The following MDH1B variants were observed in gnomAD, a reference collection of about 807,000 sequenced individuals.
The protein encoded by MDH1B is putative malate dehydrogenase 1B.
Under a neutral mutation model 61.4 loss-of-function variants are expected in MDH1B, and 60 were observed. That is an observed-to-expected ratio of 0.98 (90% CI 0.79 to 1.21). MDH1B has a LOEUF of 1.21. MDH1B is among the 50% of genes most tolerant of loss of function. The pLI, the probability that MDH1B is intolerant of heterozygous loss-of-function variation, is 0.00. For synonymous variants in MDH1B, 236 were observed against 218.7 expected, an observed-to-expected ratio of 1.08 and a Z score of -0.70; for missense variants, 587 against 632.1, an observed-to-expected ratio of 0.93 and a Z score of 0.76.
At chr2:206,754,937 T>C (rs1688666792) in intron 5 of MDH1B, 72 bp downstream of exon 5, 1 of 1,499,286 alleles carries the variant, frequency 6.7e-7, no homozygotes, top group South Asian at 1.3e-5. Context: ...GAGGGGACAG[T>C]GTTCTTCCTA....
At chr2:206,761,512 A>G (rs1057435936) in intron 1 of MDH1B, among the ~76,000 whole-genome samples, 4 of 152,170 alleles carry the variant, frequency 2.6e-5, no homozygotes, top group Non-Finnish European at 4.4e-5. Context: ...CCTTAACTAG[A>G]GAAAAATCAT....
At chr2:206,745,730 CTTTTT>C (rs140066038) in intron 8 of MDH1B, 57 bp from the exon 9 acceptor site, 18,013 of 742,954 alleles carry the variant, frequency 0.024, 1 homozygote, top group East Asian at 0.086. Flanking sequence ...CTTAATTCTT[CTTTTT>C]TTTTTTTTTT....
At chr2:206,762,829 C>G (rs1689179243) in intron 1 of MDH1B, among the ~76,000 whole-genome samples, 1 of 152,176 alleles carries the variant, frequency 6.6e-6, no homozygotes, top group South Asian at 2.1e-4. Context: ...CTGCCCCCTT[C>G]CAGGCTTTTG....
intron 5 of MDH1B, among the ~76,000 whole-genome samples, chr2:206,754,404 C>G (rs929098255): frequency 1.3e-5 from 2 of 152,158 alleles, no homozygotes; most frequent in Non-Finnish European, 2.9e-5. Context: ...TCCTATGATT[C>G]TGATATTTAC....
intron 4 of MDH1B, among the ~76,000 whole-genome samples, chr2:206,756,122 T>C (rs1341410734): frequency 6.6e-6 from 1 of 152,082 alleles, no homozygotes; most frequent in African/African-American, 2.4e-5. Flanking sequence ...GTATTCACAG[T>C]GGGTTTGGGG....
At position 206,745,607 on chromosome 2, in the gene MDH1B, C is replaced by T. The variant is rs754632015; in HGVS notation, c.1408+15G>A. On this transcript the variant is annotated intron_variant, in intron 9 of 11. Coordinates refer to ENST00000374412, the MANE Select transcript of MDH1B (RefSeq NM_001039845.3). ...TTAATAGCAGTCCAATAAAACATCA[C>T]GTCTAAGAGCTTACCTGATTGGTAT... is the stretch of plus-strand genomic sequence containing the variant. 14 of 1,595,250 alleles carry T rather than the reference C, an allele frequency of 8.8e-6. No homozygotes were observed. Among genetic ancestry groups the T allele is most frequent in the East Asian group, 2.2e-5 (1 of 44,774 alleles).
In MDH1B at chr2:206,738,366, A is replaced by G; in HGVS notation, c.*117T>C. 1.3e-6 allele frequency: 1 copy of G among 772,962 alleles called. No individual in the cohort carries two copies. Among genetic ancestry groups the G allele is most frequent in the Non-Finnish European group, 2.0e-6 (1 of 498,754 alleles). 47.9% of individuals were successfully genotyped at this position (772,962 alleles called of 1,614,324 possible). A position where few individuals can be genotyped will look rare whatever the true frequency, so the allele number is the denominator to read the frequency against. On this transcript the variant is annotated 3_prime_UTR_variant, in exon 12 of 12. Coordinates refer to ENST00000374412, the MANE Select transcript of MDH1B (RefSeq NM_001039845.3). ...TGATTTAATTGCCTTGCATGGTATT[A>G]TCTAAGACTGACATAAATCTTTCAA...
At chr2:206,743,873 C>A (rs1268195760) in intron 9 of MDH1B, among the ~76,000 whole-genome samples, 1 of 152,172 alleles carries the variant, frequency 6.6e-6, no homozygotes, top group Non-Finnish European at 1.5e-5. Flanking sequence ...ATCAGCAATT[C>A]TTGATATTTC....
chr2:206,755,310 C>G lies in MDH1B; in HGVS notation c.609G>C (p.Glu203Asp), dbSNP rs142067723. ...CAATGACGTGGGCCTGGCGGAAGGCCTCCTCCACCTTCGTGCAGATGGAGA... is the reference window on the plus strand; with the variant it reads ...CAATGACGTGGGCCTGGCGGAAGGCGTCCTCCACCTTCGTGCAGATGGAGA... ...RSVSICTKVE[E>D]AFRQAHVIVV... Residue 203 changes from glutamate (E) to aspartate (D), a missense_variant, in exon 5 of 12, where the codon GAG becomes GAC. Transcript: ENST00000374412. 1.2e-6 allele frequency: 2 copies of G among 1,614,100 alleles called. No homozygotes were observed. The highest frequency in any genetic ancestry group is 2.7e-5 in the African/African-American group (2 of 74,938).
chr2:206,747,200 C>T (rs529256963), intron 7 of MDH1B, among the ~76,000 whole-genome samples: 1 of 152,176 alleles, frequency 6.6e-6, no homozygotes, highest in South Asian at 2.1e-4. Context: ...ACATTGAGGA[C>T]ATTCGAGAAA....
At position 206,755,378 on chromosome 2, in the gene MDH1B, C is replaced by T; in HGVS notation, c.541G>A (p.Val181Met). The T allele has an allele frequency of 1.2e-6, 2 of 1,614,208 alleles. No individual in the cohort carries two copies. The highest frequency in any genetic ancestry group is 1.7e-6 in the Non-Finnish European group (2 of 1,180,034). ...GATGCCAGGTCTTGGGTCTCCACCA[C>T]AAGGCTTTTGAGATGTTCTTCCGCC... ...KQAEEHLKSL[V>M]VETQDLASPV... Residue 181 changes from valine to methionine, a missense_variant, in exon 5 of 12, where the codon GTG (valine) becomes ATG (methionine). Physicochemically the swap from Val to Met is conservative, Grantham distance 21. Coordinates refer to ENST00000374412, the MANE Select transcript of MDH1B (RefSeq NM_001039845.3).
In MDH1B at chr2:206,738,453, G is replaced by C. The variant is rs1263401026; in HGVS notation, c.*30C>G. 6.7e-7 allele frequency: 1 copy of C among 1,497,872 alleles called. No individual in the cohort carries two copies. The highest frequency in any genetic ancestry group is 2.3e-5 in the East Asian group (1 of 43,714). The allele number at this position is 1,497,872 out of a possible 1,614,324, so 92.8% of individuals were successfully genotyped here. A position where few individuals can be genotyped will look rare whatever the true frequency, so the allele number is the denominator to read the frequency against. On this transcript the variant is annotated 3_prime_UTR_variant, in exon 12 of 12. Transcript: ENST00000374412. ...CTTTCTATGTTTATTGTGCTATCAA[G>C]TAATTATATATTTCATCCAATTTGA...
intron 9 of MDH1B, among the ~76,000 whole-genome samples, chr2:206,743,006 C>G (rs571398806): frequency 2.6e-5 from 4 of 152,108 alleles, no homozygotes; most frequent in Non-Finnish European, 5.9e-5. Context: ...TGAGCCACCA[C>G]GCCCAGCCGA....
At chr2:206,763,515 C>G (rs542339374) in intron 1 of MDH1B, among the ~76,000 whole-genome samples, 1 of 152,240 alleles carries the variant, frequency 6.6e-6, no homozygotes, top group South Asian at 2.1e-4. Flanking sequence ...TTGTCCCACA[C>G]TATAGCCGTA....
chr2:206,748,995 C>A lies in MDH1B; in HGVS notation c.1216+25G>T, dbSNP rs565293338. 3.3e-5 allele frequency: 53 copies of A among 1,605,680 alleles called. No homozygotes were observed. In the South Asian group the frequency reaches 5.9e-4, roughly 18 times the overall value. On this transcript the variant is annotated intron_variant, in intron 7 of 11. Coordinates refer to ENST00000374412, the MANE Select transcript of MDH1B (RefSeq NM_001039845.3). ...TATAGATAGAGGTTTTAAGATTTTA[C>A]AAGATATGAAAAACCCAGATTTACC...
intron 5 of MDH1B, among the ~76,000 whole-genome samples, chr2:206,751,920 A>T (rs1221402208): frequency 2.0e-5 from 3 of 152,214 alleles, no homozygotes; most frequent in Non-Finnish European, 4.4e-5. Flanking sequence ...ACCACTTCTT[A>T]CTGTGGAGAT....
intron 2 of MDH1B, among the ~76,000 whole-genome samples, chr2:206,759,215 C>T (rs577033407): frequency 6.6e-6 from 1 of 152,166 alleles, no homozygotes; most frequent in South Asian, 2.1e-4. Flanking sequence ...GCCCCCACTT[C>T]TAAGTGAGAA....
At chr2:206,751,684 C>A (rs1024060856) in intron 5 of MDH1B, among the ~76,000 whole-genome samples, 6 of 152,128 alleles carry the variant, frequency 3.9e-5, no homozygotes, top group Non-Finnish European at 7.4e-5. Flanking sequence ...ATCCTTACAA[C>A]ATTCTAGGGG....
chr2:206,741,169 G>T, intron 9 of MDH1B, 65 bp from the exon 10 acceptor site: 1 of 1,595,742 alleles, frequency 6.3e-7, no homozygotes, highest in South Asian at 1.1e-5. Context: ...ACTAGGTCAT[G>T]AGATGTTCTG....
Sources: allele counts gnomAD v4.1 joint callset (sites outside exome capture counted in the v4.1 genomes callset), GRCh38; gene constraint gnomAD v4.1.1; transcripts MANE v1.5; gene names NCBI Gene and HGNC (gene_info 2026-07-23, HGNC 2026-07-21).